The following CYRIB variants were observed in gnomAD, a reference collection of about 807,000 sequenced individuals.
CYRIB encodes the protein CYFIP-related Rac1 interactor B.
In CYRIB, 8 loss-of-function variants were observed where a neutral mutation model predicts 44.2. That is an observed-to-expected ratio of 0.18 (90% CI 0.11 to 0.33). The LOEUF is 0.33. Ranked by LOEUF, CYRIB falls within the 10% of genes least tolerant of loss-of-function variation. CYRIB has a pLI of 1.00. For missense variants in CYRIB, 185 were observed against 382.8 expected, an observed-to-expected ratio of 0.48 and a Z score of 4.31; for synonymous variants, 131 against 127.2, an observed-to-expected ratio of 1.03 and a Z score of -0.20.
At position 129,856,656 on chromosome 8, in the gene CYRIB, T is replaced by G. The variant is rs565122698; in HGVS notation, c.302-909A>C. Among the ~76,000 whole-genome samples the G allele has an allele frequency of 4.6e-5, 7 of 152,266 alleles. No individual in the cohort carries two copies. In the East Asian group the frequency reaches 1.4e-3, roughly 29 times the overall value. On this transcript the variant is annotated intron_variant, in intron 5 of 11. Transcript: ENST00000519824. ...ATGTCAGGTCATCAGCCCGTAACTT[T>G]AAAAAAACCCCAGTTTTCCTATTTA...
At chr8:129,915,916 G>A (rs142553239) in intron 1 of CYRIB, among the ~76,000 whole-genome samples, 1 of 152,108 alleles carries the variant, frequency 6.6e-6, no homozygotes, top group Non-Finnish European at 1.5e-5. Context: ...TATTACATTC[G>A]TATTTATATT....
chr8:129,842,022 C>G, exon 12 of CYRIB: 1 of 697,554 alleles, frequency 1.4e-6, no homozygotes, highest in Non-Finnish European at 2.4e-6. Flanking sequence ...GGAAGAGGAA[C>G]AGAGGAAAGA....
At chr8:129,904,416 G>C (rs1251975837) in intron 1 of CYRIB, 83 bp downstream of exon 3, 14 of 151,998 alleles carry the variant, frequency 9.2e-5, no homozygotes, top group Admixed American at 9.2e-4. Flanking sequence ...CCCAGCAAAA[G>C]GCATATCTTT....
At chr8:129,860,231 C>T (rs2048631591) in intron 5 of CYRIB, among the ~76,000 whole-genome samples, 1 of 152,110 alleles carries the variant, frequency 6.6e-6, no homozygotes, top group Admixed American at 6.5e-5. Context: ...CACTTAAGTC[C>T]AACTAGTTTG....
intron 1 of CYRIB, among the ~76,000 whole-genome samples, chr8:129,915,547 C>T (rs557436725): frequency 2.0e-5 from 3 of 152,122 alleles, no homozygotes; most frequent in Non-Finnish European, 2.9e-5. Flanking sequence ...GGTTGACTGG[C>T]GTCTAGGGGC....
rs752207914 is a variant in CYRIB, at chr8:129,850,820, TC to T, written c.713+14del. Reference sequence around the variant, plus strand: ...AACAGCACTGTTAAAGTGAAAAAGATCAGCTGATACTCACGGTGTTTCCAGC... The same window carrying T: ...AACAGCACTGTTAAAGTGAAAAAGATAGCTGATACTCACGGTGTTTCCAGC... On this transcript the variant is annotated intron_variant, in intron 9 of 11. Transcript: ENST00000519824. The T allele has an allele frequency of 9.4e-6, 15 of 1,589,348 alleles. No individual in the cohort carries two copies. Among genetic ancestry groups the T allele is most frequent in the Non-Finnish European group, 1.3e-5 (15 of 1,158,752 alleles).
At chr8:129,926,791 C>T (rs1158774345) in intron 1 of CYRIB, among the ~76,000 whole-genome samples, 1 of 152,192 alleles carries the variant, frequency 6.6e-6, no homozygotes, top group African/African-American at 2.4e-5. Flanking sequence ...TCAGTCCTCA[C>T]ATGATTGCAA....
intron 1 of CYRIB, among the ~76,000 whole-genome samples, chr8:129,997,860 C>T (rs757320096): frequency 1.3e-5 from 2 of 152,190 alleles, no homozygotes; most frequent in South Asian, 2.1e-4. Flanking sequence ...CAGTGGCTCA[C>T]GCCTGTAATC....
chr8:129,890,395 G>C (rs577874121), intron 2 of CYRIB: 1 of 152,272 alleles, frequency 6.6e-6, no homozygotes, highest in African/African-American at 2.4e-5. Context: ...CTAGCAAAAA[G>C]GTTAAGACCT....
At chr8:129,949,692 A>G (rs2094399682) in intron 2 of CYRIB, among the ~76,000 whole-genome samples, 1 of 151,656 alleles carries the variant, frequency 6.6e-6, no homozygotes, top group African/African-American at 2.4e-5. Context: ...ACACATAGAG[A>G]AACCCTGTCT....
intron 3 of CYRIB, among the ~76,000 whole-genome samples, chr8:129,874,327 T>G (rs1376557780): frequency 1.3e-5 from 2 of 152,046 alleles, no homozygotes; most frequent in Non-Finnish European, 1.5e-5. Flanking sequence ...ATTAAAAATT[T>G]TATTAACTTC....
chr8:129,884,583 C>T (rs994671971), intron 2 of CYRIB, among the ~76,000 whole-genome samples: 14 of 152,098 alleles, frequency 9.2e-5, no homozygotes, highest in Non-Finnish European at 1.9e-4. Flanking sequence ...CCACCAGGCC[C>T]GGCCGGATTT....
At chr8:129,854,998 GAGGA>G (rs2045430547) in intron 6 of CYRIB, among the ~76,000 whole-genome samples, 1 of 152,154 alleles carries the variant, frequency 6.6e-6, no homozygotes, top group Non-Finnish European at 1.5e-5. Context: ...AGCGGGAAAG[GAGGA>G]AGGGAGAAAA....
Position 129,863,381 on chromosome 8 carries a change from C to A in CYRIB, c.196-1047G>T, listed in dbSNP as rs574788172. ...CTCTACCAAAAATACAAAAATTAGTCAGGTGTGGTGGTGTGTGCCTGTAAT... is the reference window on the plus strand; with the variant it reads ...CTCTACCAAAAATACAAAAATTAGTAAGGTGTGGTGGTGTGTGCCTGTAAT... On this transcript the variant is annotated intron_variant, in intron 4 of 11. Transcript: ENST00000519824. 3.3e-5 allele frequency among the ~76,000 whole-genome samples: 5 copies of A among 152,020 alleles called. No homozygotes were observed. In the East Asian group the frequency reaches 9.7e-4, roughly 29 times the overall value.
In CYRIB at chr8:129,888,966, G is replaced by A. The variant is rs559819333; in HGVS notation, c.-10-9495C>T. ...AAATTAGCTGGGCAGGGTGGCAGGC[G>A]CCTGTAATCACAGCTACTCAGGAGG... On this transcript the variant is annotated intron_variant, in intron 2 of 11. Transcript: ENST00000519824. Among the ~76,000 whole-genome samples the A allele has an allele frequency of 1.0e-3, 152 of 152,152 alleles. 1 individual carries two copies. Among genetic ancestry groups the A allele is most frequent in the Non-Finnish European group, 1.8e-3 (122 of 68,006 alleles).
intron 2 of CYRIB, among the ~76,000 whole-genome samples, chr8:129,955,746 G>A (rs1002395014): frequency 1.3e-5 from 2 of 152,088 alleles, no homozygotes; most frequent in Non-Finnish European, 2.9e-5. Context: ...CATACAAAGC[G>A]GTGTTGATGG....
At chr8:130,005,669 T>G (rs1165095531) in intron 1 of CYRIB, among the ~76,000 whole-genome samples, 2 of 152,156 alleles carry the variant, frequency 1.3e-5, no homozygotes, top group Admixed American at 1.3e-4. Flanking sequence ...TGGGAGATGC[T>G]TCCTCTTTCA....
chr8:129,877,648 C>CA (rs34206018), intron 3 of CYRIB, among the ~76,000 whole-genome samples: 23 of 124,012 alleles, frequency 1.9e-4, no homozygotes, highest in Non-Finnish European at 3.6e-4. Flanking sequence ...GACCTCATAT[C>CA]AAAAAAAAAA....
intron 1 of CYRIB, among the ~76,000 whole-genome samples, chr8:129,916,682 G>T (rs369757935): frequency 2.5e-4 from 38 of 152,264 alleles, no homozygotes; most frequent in Middle Eastern, 3.4e-3. Context: ...GAGGACTCCA[G>T]CCCACATCAA....
Sources: allele counts gnomAD v4.1 joint callset (sites outside exome capture counted in the v4.1 genomes callset), GRCh38; gene constraint gnomAD v4.1.1; transcripts MANE v1.5; gene names NCBI Gene and HGNC (gene_info 2026-07-23, HGNC 2026-07-21).